DENND6A: variants seen among roughly 807,000 people sequenced by gnomAD.
The protein encoded by DENND6A is protein DENND6A.
DENND6A carries 43 observed loss-of-function variants against 95.5 expected under a neutral mutation model. The observed-to-expected ratio is 0.45, with a 90% confidence interval of 0.35 to 0.58. The LOEUF (loss-of-function observed/expected upper bound fraction) is 0.58, where lower values mean the gene tolerates loss of function less well. Ranked by LOEUF, DENND6A falls within the 20% of genes least tolerant of loss-of-function variation. The probability of loss-of-function intolerance (pLI) is 0.00; values close to 1 mark genes in which losing one functional copy is unlikely to be tolerated. For missense variants in DENND6A, 574 were observed against 736.0 expected (o/e 0.78, Z 2.55); for synonymous variants, 257 against 260.4 (o/e 0.99, Z 0.13).
intron 4 of DENND6A, 153 bp downstream of exon 4, chr3:57,665,970 T>C: frequency 1.9e-6 from 1 of 525,878 alleles, no homozygotes; most frequent in Non-Finnish European, 3.4e-6. Context: ...AGATGCTGAA[T>C]CCTTATGAAT....
Position 57,649,801 on chromosome 3 carries a change from C to A in DENND6A, c.819-3363G>T, listed in dbSNP as rs576470106. Among the ~76,000 whole-genome samples the A allele has an allele frequency of 3.5e-4, 52 of 149,726 alleles. 1 individual carries two copies. The highest frequency in any genetic ancestry group is 1.5e-3 in the South Asian group (7 of 4,688). Reference sequence around the variant, plus strand: ...TCTCTGATTCTCCTTGTTGGATTGACCCCCCACCCCCACCCCCATGGATAC... The same window carrying A: ...TCTCTGATTCTCCTTGTTGGATTGAACCCCCACCCCCACCCCCATGGATAC... On this transcript the variant is annotated intron_variant, in intron 9 of 19. Coordinates refer to ENST00000311128, the MANE Select transcript of DENND6A (RefSeq NM_152678.3).
In DENND6A at chr3:57,693,030, T is replaced by G. The variant is rs1266916575; in HGVS notation, c.-12A>C. On this transcript the variant is annotated 5_prime_UTR_variant, in exon 1 of 20. Coordinates refer to ENST00000311128, the MANE Select transcript of DENND6A (RefSeq NM_152678.3). ...CCCCTCAAAGCCATCGGCCGCCCCCTGACCGTTCGCGCCGCCTCCACAGCG... is the reference window on the plus strand; with the variant it reads ...CCCCTCAAAGCCATCGGCCGCCCCCGGACCGTTCGCGCCGCCTCCACAGCG... 1 of 1,401,152 alleles carries G rather than the reference T, an allele frequency of 7.1e-7. No homozygotes were observed. Among genetic ancestry groups the G allele is most frequent in the Admixed American group, 3.6e-5 (1 of 27,756 alleles). The allele number at this position is 1,401,152 out of a possible 1,614,324, so 86.8% of individuals were successfully genotyped here.
intron 14 of DENND6A, among the ~76,000 whole-genome samples, chr3:57,634,140 A>G (rs2153412307): frequency 6.6e-6 from 1 of 152,132 alleles, no homozygotes; most frequent in East Asian, 1.9e-4. Context: ...TTGAATCAAA[A>G]AAGAGACCCT....
chr3:57,669,312 C>T (rs2071576290), intron 3 of DENND6A, among the ~76,000 whole-genome samples: 1 of 152,108 alleles, frequency 6.6e-6, no homozygotes, highest in Admixed American at 6.6e-5. Flanking sequence ...AGCAAAGTGC[C>T]TGCTTTCAGG....
chr3:57,662,454 T>G (rs1334799931), intron 5 of DENND6A, among the ~76,000 whole-genome samples: 1 of 152,054 alleles, frequency 6.6e-6, no homozygotes, highest in Admixed American at 6.6e-5. Flanking sequence ...CTGCCCACCT[T>G]GTCCTCCCGA....
chr3:57,689,205 G>A (rs887987496), intron 1 of DENND6A, among the ~76,000 whole-genome samples: 5 of 151,736 alleles, frequency 3.3e-5, no homozygotes, highest in African/African-American at 9.7e-5. Flanking sequence ...TGCCCGCCTC[G>A]GCCTCCCAAA....
Position 57,627,001 on chromosome 3 carries a change from TA to T in DENND6A, c.*1212del, listed in dbSNP as rs2070545353. On this transcript the variant is annotated 3_prime_UTR_variant, in exon 20 of 20. Transcript: ENST00000311128. Reference sequence around the variant, plus strand: ...TATCATCACTCAAATAAGTATCACATAAAAAACTCATGAATGCCTTTGAAAT... The same window carrying T: ...TATCATCACTCAAATAAGTATCACATAAAAACTCATGAATGCCTTTGAAAT... The T allele has an allele frequency of 6.6e-6, 1 of 152,100 alleles. No homozygotes were observed. The highest frequency in any genetic ancestry group is 1.5e-5 in the Non-Finnish European group (1 of 67,996). The allele number at this position is 152,100 out of a possible 1,614,324, so 9.4% of individuals were successfully genotyped here. A position where few individuals can be genotyped will look rare whatever the true frequency, so the allele number is the denominator to read the frequency against.
chr3:57,657,918 A>G (rs1433120227), intron 8 of DENND6A, among the ~76,000 whole-genome samples, 183 bp from the exon 9 acceptor site: 1 of 152,204 alleles, frequency 6.6e-6, no homozygotes, highest in African/African-American at 2.4e-5. Context: ...CAGAAAATCA[A>G]AAATAATGCA....
intron 12 of DENND6A, among the ~76,000 whole-genome samples, chr3:57,638,386 G>A (rs2070846127): frequency 6.6e-6 from 1 of 151,848 alleles, no homozygotes; most frequent in South Asian, 2.1e-4. Context: ...GGCTGGGTGT[G>A]GTGGCTCACG....
chr3:57,663,463 CAAAAAAAAAAAA>C (rs1189672713), intron 5 of DENND6A, among the ~76,000 whole-genome samples, 161 bp downstream of exon 5: 1 of 51,942 alleles, frequency 1.9e-5, no homozygotes, highest in Non-Finnish European at 4.0e-5. Flanking sequence ...GACTCCACCT[CAAAAAAAAAAAA>C]AAAAAAAAAA....
intron 12 of DENND6A, among the ~76,000 whole-genome samples, chr3:57,638,998 T>C (rs2070866635): frequency 6.6e-6 from 1 of 152,160 alleles, no homozygotes; most frequent in Admixed American, 6.5e-5. Context: ...CTCGGGAGGC[T>C]GAGGCAGAAG....
At chr3:57,669,632 G>A (rs527964898) in intron 3 of DENND6A, among the ~76,000 whole-genome samples, 135 of 150,800 alleles carry the variant, frequency 9.0e-4, no homozygotes, top group Admixed American at 1.6e-3. Context: ...GGAGAATGGC[G>A]TGAACCCGGG....
intron 1 of DENND6A, among the ~76,000 whole-genome samples, chr3:57,673,079 T>C (rs933043584): frequency 6.6e-6 from 1 of 151,366 alleles, no homozygotes; most frequent in African/African-American, 2.4e-5. Flanking sequence ...CTGGGTGTGG[T>C]GGCTCATGCT....
At chr3:57,650,660 T>A (rs1396658064) in intron 9 of DENND6A, among the ~76,000 whole-genome samples, 1 of 152,002 alleles carries the variant, frequency 6.6e-6, no homozygotes, top group Admixed American at 6.5e-5. Flanking sequence ...ATGGAAAACA[T>A]GTCCACACAA....
rs1024361795 is a variant in DENND6A at position 57,657,411 on chromosome 3, C to T, written c.818+269G>A. ...AAAATGCATCTCTTTTTTAAAAAAGCATGTTTTCTAACATTATTACAATAT... is the reference window on the plus strand; with the variant it reads ...AAAATGCATCTCTTTTTTAAAAAAGTATGTTTTCTAACATTATTACAATAT... On this transcript the variant is annotated intron_variant, in intron 9 of 19. Coordinates refer to ENST00000311128, the MANE Select transcript of DENND6A (RefSeq NM_152678.3). 2.6e-5 allele frequency among the ~76,000 whole-genome samples: 4 copies of T among 152,070 alleles called. No individual in the cohort carries two copies. The East Asian group carries it at 7.7e-4, about 29-fold the overall frequency.
Position 57,658,959 on chromosome 3 carries a change from G to T in DENND6A, c.762+159C>A, listed in dbSNP as rs115208390. Among the ~76,000 whole-genome samples the T allele has an allele frequency of 3.1e-3, 475 of 152,104 alleles. 2 individuals are homozygous for T. Among genetic ancestry groups the T allele is most frequent in the African/African-American group, 0.011 (449 of 41,524 alleles). ...AGAAAAAAGACCCTAAGAAACATTA[G>T]AAAATATATTACCAATTCATTAAAA... is the stretch of plus-strand genomic sequence containing the variant. On this transcript the variant is annotated intron_variant, in intron 8 of 19. Coordinates refer to ENST00000311128, the MANE Select transcript of DENND6A (RefSeq NM_152678.3).
chr3:57,650,441 C>CACAT (rs1156981226), intron 9 of DENND6A, among the ~76,000 whole-genome samples: 6 of 150,744 alleles, frequency 4.0e-5, no homozygotes, highest in Non-Finnish European at 7.4e-5. Flanking sequence ...CACACACACA[C>CACAT]ACACATACAT....
chr3:57,684,089 T>A (rs1019127453), intron 1 of DENND6A, among the ~76,000 whole-genome samples: 1 of 140,550 alleles, frequency 7.1e-6, no homozygotes, highest in Non-Finnish European at 1.5e-5. Flanking sequence ...AAGGTGGAGG[T>A]TGCAGCGAGC....
chr3:57,662,185 C>CTTTTTTTTTTTTTTTTTTTT (rs60063768), intron 5 of DENND6A, among the ~76,000 whole-genome samples: 6 of 79,148 alleles, frequency 7.6e-5, no homozygotes, highest in South Asian at 5.4e-4. Context: ...TTTCTTTTTT[C>CTTTTTTTTTTTTTTTTTTTT]TTTTTTTTTT....
Sources: gnomAD v4.1 joint callset for allele counts (sites outside exome capture counted in the v4.1 genomes callset) on GRCh38, gnomAD v4.1.1 for gene constraint, MANE v1.5 for transcripts, NCBI Gene and HGNC (gene_info 2026-07-23, HGNC 2026-07-21) for gene names.